The following ABCA13 variants were observed in gnomAD, a reference collection of about 807,000 sequenced individuals.
The protein encoded by ABCA13 is ATP-binding cassette sub-family A member 13.
ABCA13 carries 476 observed loss-of-function variants against 478.7 expected under a neutral mutation model. The observed-to-expected ratio is 0.99, with a 90% CI of 0.92 to 1.07. ABCA13 has a LOEUF of 1.07. ABCA13 is among the 50% of genes least tolerant of loss of function. ABCA13 has a pLI of 0.00. For synonymous variants in ABCA13, 2,252 were observed against 2,158.9 expected (o/e 1.04, Z -1.20); for missense variants, 6,060 against 5,910.6 (o/e 1.03, Z -0.83).
In ABCA13 at chr7:48,219,460, G is replaced by A. The variant is rs199907595; in HGVS notation, c.394G>A (p.Ala132Thr). The A allele has an allele frequency of 1.8e-4, 294 of 1,612,874 alleles. 1 individual carries two copies. The highest frequency in any genetic ancestry group is 4.8e-4 in the South Asian group (44 of 90,836). Residue 132 changes from alanine to threonine, a missense_variant, in exon 4 of 62, where the codon GCA becomes ACA. Physicochemically the swap from Ala to Thr is moderately conservative, Grantham distance 58. This residue lies in a region of ABCA13 where 4,423 missense variants were observed against 4,309.1 expected (regional missense o/e 1.03). Coordinates refer to ENST00000435803, the MANE Select transcript of ABCA13 (RefSeq NM_152701.5). ...GGAAATTCATGGAATGATGGACAAG[G>A]CAAAAAACTTAAAAAGACTTTGGGT... ...AEEIHGMMDK[A>T]KNLKRLWVER...
chr7:48,460,597 A>T (rs1826141284), intron 43 of ABCA13, among the ~76,000 whole-genome samples: 1 of 152,196 alleles, frequency 6.6e-6, no homozygotes, highest in South Asian at 2.1e-4. Flanking sequence ...CTCATTCCGA[A>T]TAAGATCACT....
At chr7:48,351,050 C>T (rs1808892703) in intron 30 of ABCA13, among the ~76,000 whole-genome samples, 1 of 152,158 alleles carries the variant, frequency 6.6e-6, no homozygotes, top group East Asian at 1.9e-4. Context: ...TGACTAATAA[C>T]GTTTTCACCA....
chr7:48,384,157 C>T (rs1400500498), intron 35 of ABCA13, among the ~76,000 whole-genome samples: 3 of 152,344 alleles, frequency 2.0e-5, no homozygotes, highest in Admixed American at 6.5e-5. Context: ...ACTTAAGCTG[C>T]GACTGAGTGT....
At chr7:48,593,302 G>T (rs1585912761) in intron 57 of ABCA13, among the ~76,000 whole-genome samples, 5 of 138,050 alleles carry the variant, frequency 3.6e-5, no homozygotes, top group Admixed American at 7.4e-5. Flanking sequence ...TTTTATTTGT[G>T]GTTACCAAGA....
In ABCA13 at chr7:48,519,833, C is replaced by A. The variant is rs549901832; in HGVS notation, c.13798-208C>A. Among the ~76,000 whole-genome samples the A allele has an allele frequency of 2.4e-4, 37 of 152,188 alleles. 1 individual carries two copies. The highest frequency in any genetic ancestry group is 8.9e-4 in the African/African-American group (37 of 41,512). On this transcript the variant is annotated intron_variant, in intron 52 of 61. Transcript: ENST00000435803. Reference sequence around the variant, plus strand: ...TCATCACTGTTCTCAAGCAAGAAAACCTTGAAAGGCAAATACCAGTAGATC... The same window carrying A: ...TCATCACTGTTCTCAAGCAAGAAAAACTTGAAAGGCAAATACCAGTAGATC...
chr7:48,249,652 G>T (rs1289788755), intron 15 of ABCA13, among the ~76,000 whole-genome samples: 1 of 152,180 alleles, frequency 6.6e-6, no homozygotes, highest in East Asian at 1.9e-4. Flanking sequence ...GACTAGTCAT[G>T]ATCCTACTCA....
chr7:48,496,998 A>C (rs1830334296), intron 48 of ABCA13, among the ~76,000 whole-genome samples: 1 of 151,766 alleles, frequency 6.6e-6, no homozygotes, highest in South Asian at 2.1e-4. Flanking sequence ...GGAAGTTTTC[A>C]GCTGTTATGT....
At chr7:48,185,354 C>T (rs367552087) in intron 1 of ABCA13, among the ~76,000 whole-genome samples, 29 of 152,314 alleles carry the variant, frequency 1.9e-4, no homozygotes, top group African/African-American at 7.0e-4. Context: ...TTATTTCAAC[C>T]TGTTGATGAA....
intron 42 of ABCA13, among the ~76,000 whole-genome samples, chr7:48,438,491 G>T (rs866958229): frequency 1.3e-5 from 2 of 151,836 alleles, no homozygotes; most frequent in South Asian, 4.2e-4. Context: ...TCTTTTTAGG[G>T]GGCCAATTTT....
chr7:48,447,265 G>C (rs1824419278), intron 42 of ABCA13, among the ~76,000 whole-genome samples: 1 of 152,122 alleles, frequency 6.6e-6, no homozygotes, highest in African/African-American at 2.4e-5. Flanking sequence ...GCCCTTGAAA[G>C]CATCTTCAAT....
chr7:48,504,212 G>T (rs73332013), intron 48 of ABCA13, among the ~76,000 whole-genome samples: 82 of 152,302 alleles, frequency 5.4e-4, no homozygotes, highest in African/African-American at 1.9e-3. Flanking sequence ...TTTCAAATGG[G>T]AGCAGTGGGA....
intron 1 of ABCA13, among the ~76,000 whole-genome samples, chr7:48,190,150 A>G (rs1395032182): frequency 6.6e-6 from 1 of 152,178 alleles, no homozygotes; most frequent in Non-Finnish European, 1.5e-5. Context: ...TAATGAGGGC[A>G]TTTTCACTAC....
chr7:48,271,758 A>T (rs1562925650), intron 16 of ABCA13, 29 bp from the exon 17 acceptor site: 1 of 1,214,062 alleles, frequency 8.2e-7, no homozygotes, highest in Admixed American at 3.6e-5. Flanking sequence ...TTTTTATTTT[A>T]TACTAAAATA....
intron 15 of ABCA13, among the ~76,000 whole-genome samples, chr7:48,268,275 G>T (rs1363756659): frequency 6.6e-6 from 1 of 151,974 alleles, no homozygotes; most frequent in Non-Finnish European, 1.5e-5. Context: ...TCCTGCCTCA[G>T]CCTCCCAAGT....
At chr7:48,350,540 T>C (rs1461406902) in intron 29 of ABCA13, 103 bp from the exon 30 acceptor site, 31 of 1,316,336 alleles carry the variant, frequency 2.4e-5, no homozygotes, top group Non-Finnish European at 3.1e-5. Context: ...GTGGAAGAAT[T>C]CATATTCATT....
chr7:48,528,331 C>G lies in ABCA13; in HGVS notation c.14340C>G (p.Ile4780Met). ...EVSLTSGHAI[I>M]RTPMGDAVDL... ...CTCTAACTTCAGGACATGCTATCATCAGGACTCCCATGGGGTAAGATACAG... is the reference window on the plus strand; with the variant it reads ...CTCTAACTTCAGGACATGCTATCATGAGGACTCCCATGGGGTAAGATACAG... Residue 4780 changes from isoleucine (I) to methionine (M), a missense_variant, in exon 55 of 62, where the codon ATC becomes ATG. Coordinates refer to ENST00000435803, the MANE Select transcript of ABCA13 (RefSeq NM_152701.5). 6.4e-7 allele frequency: 1 copy of G among 1,562,004 alleles called. No homozygotes were observed. The highest frequency in any genetic ancestry group is 1.2e-5 in the South Asian group (1 of 83,944).
Position 48,471,747 on chromosome 7 carries a change from G to A in ABCA13, c.12975+148G>A, listed in dbSNP as rs1365442634. On this transcript the variant is annotated intron_variant, in intron 45 of 61. Transcript: ENST00000435803. ...ATTAGCTGTTTCTGGGAAAAGTTTTGTCACATAAAGTGAATATTTATAGAA... is the reference window on the plus strand; with the variant it reads ...ATTAGCTGTTTCTGGGAAAAGTTTTATCACATAAAGTGAATATTTATAGAA... 12 of 715,168 alleles carry A rather than the reference G, an allele frequency of 1.7e-5. No individual in the cohort carries two copies. In the East Asian group the frequency reaches 2.4e-4, roughly 14 times the overall value. The allele number at this position is 715,168 out of a possible 1,614,324, so 44.3% of individuals were successfully genotyped here.
rs951240466 is a variant in ABCA13, at chr7:48,213,056, T to C, written c.288-6298T>C. Among the ~76,000 whole-genome samples the C allele has an allele frequency of 6.6e-5, 10 of 152,310 alleles. No homozygotes were observed. The South Asian group carries it at 2.1e-3, about 32-fold the overall frequency. ...ATTTTCTATGTTTAATAATTTTAGC[T>C]TTTGTTTATAGGTACAATTTATTTT... On this transcript the variant is annotated intron_variant, in intron 3 of 61. Coordinates refer to ENST00000435803, the MANE Select transcript of ABCA13 (RefSeq NM_152701.5).
intron 3 of ABCA13, among the ~76,000 whole-genome samples, chr7:48,203,207 T>G (rs1429125320): frequency 6.6e-6 from 1 of 151,786 alleles, no homozygotes; most frequent in East Asian, 1.9e-4. Context: ...CTGCTCCGAG[T>G]GCGGGCGGGG....
Sources: gnomAD v4.1 joint callset for allele counts (sites outside exome capture counted in the v4.1 genomes callset) on GRCh38, gnomAD v4.1.1 for gene constraint, gnomAD v4.1.1 regional missense constraint, MANE v1.5 for transcripts, NCBI Gene and HGNC (gene_info 2026-07-23, HGNC 2026-07-21) for gene names.